The following NEB variants were observed in gnomAD, a reference collection of about 807,000 sequenced individuals.
NEB encodes the protein nebulin.
In NEB, 512 loss-of-function variants were observed where a neutral mutation model predicts 952.2. That is an observed-to-expected ratio of 0.54 (90% confidence interval 0.50 to 0.58). The LOEUF is 0.58. Among genes scored for constraint, NEB ranks in the 20% least tolerant of loss-of-function variants. NEB has a pLI of 0.00. For missense variants in NEB, 8,428 were observed against 9,231.1 expected (o/e 0.91, Z 3.56); for synonymous variants, 2,900 against 3,149.8 (o/e 0.92, Z 2.66).
chr2:151,674,419 C>G (rs2099341503), intron 36 of NEB, 58 bp downstream of exon 36: 1 of 1,250,898 alleles, frequency 8.0e-7, no homozygotes, highest in Non-Finnish European at 1.2e-6. Context: ...TTTAAACAAG[C>G]ATTTGATTAC....
intron 153 of NEB, 107 bp from the exon 154 acceptor site, chr2:151,519,875 G>A (rs1030707815): frequency 1.5e-6 from 1 of 686,260 alleles, no homozygotes; most frequent in Admixed American, 2.3e-5. Flanking sequence ...TACATAGAGT[G>A]ATCATATAAT....
At chr2:151,540,586 T>C in intron 137 of NEB, 111 bp downstream of exon 137, 1 of 1,132,498 alleles carries the variant, frequency 8.8e-7, no homozygotes, top group East Asian at 2.5e-5. Flanking sequence ...GTTTTGATGA[T>C]GCTGAGCACC....
At chr2:151,567,572 A>C in intron 113 of NEB, 93 bp from the exon 114 acceptor site, 2 of 1,207,920 alleles carry the variant, frequency 1.7e-6, no homozygotes, top group Admixed American at 2.8e-5. Flanking sequence ...CAGCAAATTC[A>C]GCCCCCCAGC....
At chr2:151,637,155 G>C (rs1206877028) in intron 63 of NEB, among the ~76,000 whole-genome samples, 2 of 152,170 alleles carry the variant, frequency 1.3e-5, no homozygotes, top group African/African-American at 4.8e-5. Context: ...ATAACCTGTG[G>C]AAGCAACTGC....
Position 151,567,356 on chromosome 2 carries a change from T to C in NEB, c.17968A>G (p.Lys5990Glu), listed in dbSNP as rs762577334. ...AGQIQNERLY[K>E]EDYHKTKAKI... ...GCCTTTGTTTTGTGATAGTCCTCTT[T>C]GTATAGTCTCTCATTCTGAATCTGG... Residue 5990 changes from lysine (K) to glutamate (E), a missense_variant, in exon 114 of 182, where the codon AAA (lysine) becomes GAA (glutamate). Coordinates refer to ENST00000397345, the MANE Select transcript of NEB (RefSeq NM_001164508.2). The C allele has an allele frequency of 2.5e-6, 4 of 1,613,806 alleles. No individual in the cohort carries two copies. Among genetic ancestry groups the C allele is most frequent in the African/African-American group, 1.3e-5 (1 of 74,930 alleles).
chr2:151,610,708 G>A, intron 79 of NEB, 54 bp downstream of exon 79: 3 of 1,582,772 alleles, frequency 1.9e-6, no homozygotes, highest in Non-Finnish European at 2.6e-6. Flanking sequence ...TGTTACGGTG[G>A]AAAAAGCATT....
At chr2:151,698,052 C>T (rs529024553) in intron 13 of NEB, among the ~76,000 whole-genome samples, 3 of 147,150 alleles carry the variant, frequency 2.0e-5, no homozygotes, top group Admixed American at 6.9e-5. Context: ...GGCGACAATG[C>T]GAGACTCCGT....
At chr2:151,681,921 T>C (rs1436650108) in intron 29 of NEB, among the ~76,000 whole-genome samples, 1 of 152,128 alleles carries the variant, frequency 6.6e-6, no homozygotes, top group Admixed American at 6.6e-5. Flanking sequence ...ATAGAAACCA[T>C]CCACATATCC....
At chr2:151,706,123 G>A (rs1366012930) in intron 13 of NEB, among the ~76,000 whole-genome samples, 2 of 152,174 alleles carry the variant, frequency 1.3e-5, no homozygotes, top group Non-Finnish European at 2.9e-5. Flanking sequence ...TCCCAGCAGA[G>A]CTATTTGGGC....
chr2:151,531,836 G>T lies in NEB; in HGVS notation c.21478C>A (p.Pro7160Thr). The T allele has an allele frequency of 6.2e-7, 1 of 1,613,112 alleles. No homozygotes were observed. The highest frequency in any genetic ancestry group is 1.1e-5 in the South Asian group (1 of 90,864). The change falls in exon 144 of 182, where the codon CCA (proline) becomes ACA (threonine). Residue 7160 changes from proline to threonine, a missense_variant. Transcript: ENST00000397345. ...KDKFTSIVDTPEHLRTTKVNK... is the reference protein window; with the variant it reads ...KDKFTSIVDTTEHLRTTKVNK... ...ACTTTTGTAGTACGCAGGTGTTCTG[G>T]AGTATCCACAATTGAGGTAAATTTG...
chr2:151,567,988 GC>G (rs1390590652), intron 113 of NEB, 82 bp downstream of exon 113: 2 of 1,021,838 alleles, frequency 2.0e-6, no homozygotes, highest in Non-Finnish European at 3.0e-6. Flanking sequence ...CCTGGAAGGT[GC>G]TATCTCTGCC....
At position 151,667,115 on chromosome 2, in the gene NEB, G is replaced by A. The variant is rs61104725; in HGVS notation, c.4719+689C>T. Among the ~76,000 whole-genome samples, 549 of 143,450 alleles carry A rather than the reference G, an allele frequency of 3.8e-3. 4 individuals carry two copies. Among genetic ancestry groups the A allele is most frequent in the African/African-American group, 0.013 (515 of 38,840 alleles). The allele number at this position is 143,450 out of a possible 152,430, so 94.1% of individuals were successfully genotyped here. The stretch of plus-strand genomic sequence containing the variant: ...ATATAATCCATGGAAATAGAAATAC[G>A]AAAAACCAGAAAGAATCAGCAAAAT... On this transcript the variant is annotated intron_variant, in intron 40 of 181. Coordinates refer to ENST00000397345, the MANE Select transcript of NEB (RefSeq NM_001164508.2).
At position 151,680,809 on chromosome 2, in the gene NEB, G is replaced by C. The variant is rs755467658; in HGVS notation, c.2963C>G (p.Pro988Arg). The part of the protein sequence containing the change: ...ILNEKKYRQH[P>R]DTLKFTSIED... Reference sequence around the variant, plus strand: ...AATCGAGGTAAACTTGAGGGTGTCTGGATGTTGGCGATATTTTTTCTGTTT... The same window carrying C: ...AATCGAGGTAAACTTGAGGGTGTCTCGATGTTGGCGATATTTTTTCTGTTT... The change falls in exon 30 of 182, where the codon CCA (proline) becomes CGA (arginine). Residue 988 changes from proline to arginine, a missense_variant. Coordinates refer to ENST00000397345, the MANE Select transcript of NEB (RefSeq NM_001164508.2). 6.2e-7 allele frequency: 1 copy of C among 1,612,792 alleles called. No individual in the cohort carries two copies. Among genetic ancestry groups the C allele is most frequent in the Non-Finnish European group, 8.5e-7 (1 of 1,178,934 alleles).
chr2:151,568,477 G>A (rs1472607880), intron 111 of NEB, 60 bp from the exon 112 acceptor site: 5 of 1,515,192 alleles, frequency 3.3e-6, no homozygotes, highest in Non-Finnish European at 3.7e-6. Flanking sequence ...GCATCATGTT[G>A]TCCAAGCAAT....
intron 80 of NEB, 70 bp downstream of exon 80, chr2:151,610,446 G>T: frequency 8.5e-7 from 1 of 1,169,848 alleles, no homozygotes; most frequent in Non-Finnish European, 1.3e-6. Flanking sequence ...TAGAGTGTGT[G>T]GTTCACCAGC....
At chr2:151,498,002 A>G in intron 170 of NEB, 1 of 1,434,206 alleles carries the variant, frequency 7.0e-7, no homozygotes, top group African/African-American at 1.4e-5. Context: ...TGAGGATTTG[A>G]GACTGTTAGA....
chr2:151,526,968 C>T lies in NEB; in HGVS notation c.21895G>A (p.Asp7299Asn). The T allele has an allele frequency of 6.2e-7, 1 of 1,604,752 alleles. No homozygotes were observed. Among genetic ancestry groups the T allele is most frequent in the Non-Finnish European group, 8.5e-7 (1 of 1,174,948 alleles). Residue 7299 changes from aspartate to asparagine, a missense_variant, in exon 148 of 182, where the codon GAT (aspartate) becomes AAT (asparagine). Asp to Asn is a conservative substitution (Grantham distance 23, BLOSUM62 1). Coordinates refer to ENST00000397345, the MANE Select transcript of NEB (RefSeq NM_001164508.2). ...FLKGCKLSVT[D>N]DKNTVLALRN... Reference sequence around the variant, plus strand: ...AGGGCGAGCACCGTGTTTTTGTCATCAGTGACAGAAAGCTTGCAACCCTTG... The same window carrying T: ...AGGGCGAGCACCGTGTTTTTGTCATTAGTGACAGAAAGCTTGCAACCCTTG...
At chr2:151,533,380 T>TACAA (rs2092272240) in intron 143 of NEB, 62 bp downstream of exon 143, 8 of 1,080,670 alleles carry the variant, frequency 7.4e-6, no homozygotes, top group Non-Finnish European at 1.1e-5. Context: ...AATGAAAGCA[T>TACAA]ACAAGGGAAT....
chr2:151,664,702 T>C (rs1389246719), intron 43 of NEB, 57 bp downstream of exon 43: 43 of 1,529,174 alleles, frequency 2.8e-5, no homozygotes, highest in Non-Finnish European at 3.5e-5. Context: ...AATGCAGACA[T>C]AAGTATCAGT....
Sources: gnomAD v4.1 joint callset for allele counts (sites outside exome capture counted in the v4.1 genomes callset) on GRCh38, gnomAD v4.1.1 for gene constraint, MANE v1.5 for transcripts, NCBI Gene and HGNC (gene_info 2026-07-23, HGNC 2026-07-21) for gene names.